Variants in ERBB4 observed in about 807,000 individuals in gnomAD.
ERBB4 encodes erb-b2 receptor tyrosine kinase 4, also known as receptor tyrosine-protein kinase erbB-4.
A neutral mutation model predicts 158.0 loss-of-function variants in ERBB4; 42 were observed. The observed-to-expected ratio is 0.27, with a 90% CI of 0.21 to 0.34. ERBB4 has a LOEUF of 0.34. Among genes scored for constraint, ERBB4 ranks in the 10% least tolerant of loss-of-function variants. ERBB4 has a pLI of 1.00. For missense variants in ERBB4, 1,333 were observed against 1,624.1 expected (o/e 0.82, Z 3.08); for synonymous variants, 583 against 558.7 (o/e 1.04, Z -0.61).
chr2:212,240,284 A>G (rs181056248), intron 1 of ERBB4, among the ~76,000 whole-genome samples: 1 of 152,134 alleles, frequency 6.6e-6, no homozygotes, highest in Non-Finnish European at 1.5e-5. Context: ...TCTCCTTTGA[A>G]GCAGATCATA....
chr2:211,892,664 T>C (rs1271938966), intron 3 of ERBB4, among the ~76,000 whole-genome samples: 2 of 145,666 alleles, frequency 1.4e-5, no homozygotes, highest in Non-Finnish European at 3.0e-5. Flanking sequence ...GAAAACCCCA[T>C]TGTTTCAGCC....
intron 2 of ERBB4, among the ~76,000 whole-genome samples, chr2:212,013,890 A>G (rs2076449145): frequency 6.6e-6 from 1 of 152,180 alleles, no homozygotes; most frequent in South Asian, 2.1e-4. Context: ...AGCCTGAAGA[A>G]CCCTGAGAGA....
At chr2:211,810,285 T>C (rs1006634132) in intron 3 of ERBB4, among the ~76,000 whole-genome samples, 11 of 152,172 alleles carry the variant, frequency 7.2e-5, no homozygotes, top group Admixed American at 4.6e-4. Flanking sequence ...ATATTGACAG[T>C]GGGGTGTTAA....
intron 3 of ERBB4, among the ~76,000 whole-genome samples, chr2:211,880,267 C>T (rs540338597): frequency 7.9e-5 from 12 of 152,188 alleles, no homozygotes; most frequent in African/African-American, 2.4e-4. Flanking sequence ...CCTTGTCTTA[C>T]GCTAGATCTT....
chr2:212,444,548 T>C (rs1055383648), intron 1 of ERBB4, among the ~76,000 whole-genome samples: 2 of 152,206 alleles, frequency 1.3e-5, no homozygotes, highest in Admixed American at 1.3e-4. Flanking sequence ...TGCTCACCAA[T>C]GGGTGACCTC....
At chr2:212,270,651 C>T (rs1179502432) in intron 1 of ERBB4, among the ~76,000 whole-genome samples, 1 of 151,682 alleles carries the variant, frequency 6.6e-6, no homozygotes, top group Non-Finnish European at 1.5e-5. Flanking sequence ...CGTTTTTTGG[C>T]CTTGAAATAT....
At chr2:211,404,356 G>A (rs1302321092) in intron 25 of ERBB4, among the ~76,000 whole-genome samples, 1 of 151,972 alleles carries the variant, frequency 6.6e-6, no homozygotes, top group Non-Finnish European at 1.5e-5. Flanking sequence ...ATGCCTTACT[G>A]TGGCATTTTT....
At chr2:212,397,143 G>A (rs992186925) in intron 1 of ERBB4, among the ~76,000 whole-genome samples, 1 of 151,966 alleles carries the variant, frequency 6.6e-6, no homozygotes, top group African/African-American at 2.4e-5. Context: ...ATATTGTCCT[G>A]TAATATAGTT....
chr2:212,371,782 T>G (rs62184092), intron 1 of ERBB4, among the ~76,000 whole-genome samples: 26,110 of 152,042 alleles, frequency 0.17, 2,531 homozygotes, highest in South Asian at 0.26. Context: ...CTCCAAACCA[T>G]GAAAAGTCTT....
intron 1 of ERBB4, among the ~76,000 whole-genome samples, chr2:212,285,593 C>T (rs113109661): frequency 1.3e-5 from 2 of 151,856 alleles, no homozygotes; most frequent in African/African-American, 4.8e-5. Context: ...ATGCTAGTTA[C>T]GAAGTCAACC....
chr2:212,233,070 T>C (rs2105988225), intron 1 of ERBB4, among the ~76,000 whole-genome samples: 1 of 152,282 alleles, frequency 6.6e-6, no homozygotes, highest in South Asian at 2.1e-4. Context: ...GTTGGGTAGG[T>C]CCAAAAGAGA....
intron 5 of ERBB4, among the ~76,000 whole-genome samples, chr2:211,736,377 G>A (rs1457293976): frequency 1.3e-5 from 2 of 151,962 alleles, no homozygotes; most frequent in South Asian, 2.1e-4. Flanking sequence ...TGCCTTTTCT[G>A]GTCAATTTTA....
At chr2:211,648,777 G>A (rs1301999790) in intron 16 of ERBB4, among the ~76,000 whole-genome samples, 3 of 151,664 alleles carry the variant, frequency 2.0e-5, no homozygotes, top group Admixed American at 6.6e-5. Context: ...ATGATCTAGT[G>A]ACAACAAGGA....
At chr2:211,439,247 C>A (rs1007960029) in intron 20 of ERBB4, among the ~76,000 whole-genome samples, 3 of 152,192 alleles carry the variant, frequency 2.0e-5, no homozygotes, top group African/African-American at 7.2e-5. Flanking sequence ...TTTACTCCAA[C>A]CACAAACATG....
intron 16 of ERBB4, among the ~76,000 whole-genome samples, chr2:211,654,567 G>A (rs967673597): frequency 6.6e-6 from 1 of 152,162 alleles, no homozygotes; most frequent in African/African-American, 2.4e-5. Context: ...AACTTCGTGA[G>A]GTTTTCAAAG....
intron 1 of ERBB4, among the ~76,000 whole-genome samples, chr2:212,349,586 A>G (rs2089166804): frequency 6.6e-6 from 1 of 152,140 alleles, no homozygotes; most frequent in South Asian, 2.1e-4. Flanking sequence ...GATGTCCCCA[A>G]GAAAGCAGAT....
Position 211,378,531 on chromosome 2 carries a change from G to A in ERBB4, c.*5084C>T, listed in dbSNP as rs1440697196. 4.3e-6 allele frequency: 1 copy of A among 232,760 alleles called. No individual in the cohort carries two copies. The allele number at this position is 232,760 out of a possible 1,614,324, so 14.4% of individuals were successfully genotyped here. ...TGCCCACACAAACACAAGGGCCCCT[G>A]GCCCGACACAATGCCCACAACAGCT... On this transcript the variant is annotated 3_prime_UTR_variant, in exon 28 of 28. Coordinates refer to ENST00000342788, the MANE Select transcript of ERBB4 (RefSeq NM_005235.3).
At chr2:211,559,939 A>G (rs1406109103) in intron 20 of ERBB4, among the ~76,000 whole-genome samples, 4 of 152,198 alleles carry the variant, frequency 2.6e-5, no homozygotes, top group Admixed American at 2.6e-4. Flanking sequence ...AATACAAAAA[A>G]GAAAATAATT....
chr2:212,186,111 A>G (rs527911231), intron 1 of ERBB4, among the ~76,000 whole-genome samples: 1 of 152,298 alleles, frequency 6.6e-6, no homozygotes, highest in South Asian at 2.1e-4. Flanking sequence ...ATAAATTTGT[A>G]TCTCCCATAT....
Sources: gnomAD v4.1 joint callset for allele counts (sites outside exome capture counted in the v4.1 genomes callset) on GRCh38, gnomAD v4.1.1 for gene constraint, MANE v1.5 for transcripts, NCBI Gene and HGNC (gene_info 2026-07-23, HGNC 2026-07-21) for gene names.